The following SAMD5 variants were observed in gnomAD, a reference collection of about 807,000 sequenced individuals.
The protein encoded by SAMD5 is sterile alpha motif domain-containing protein 5.
Under a neutral mutation model 11.3 loss-of-function variants are expected in SAMD5, and 13 were observed. That is an observed-to-expected ratio of 1.15 (90% CI 0.75 to 1.83). SAMD5 has a LOEUF of 1.83. Among genes scored for constraint, SAMD5 ranks in the 40% most tolerant of loss-of-function variants. SAMD5 has a pLI of 0.00. For missense variants in SAMD5, 255 were observed against 239.1 expected, an observed-to-expected ratio of 1.07 and a Z score of -0.44; for synonymous variants, 129 against 111.3, an observed-to-expected ratio of 1.16 and a Z score of -1.00.
chr6:147,779,039 G>T, the SAMD5 span, among the ~76,000 whole-genome samples: 3 of 149,106 alleles, frequency 2.0e-5, no homozygotes, highest in Non-Finnish European at 4.4e-5. Context: ...ACCAAAACAT[G>T]TCTATTTGAG....
the SAMD5 span, among the ~76,000 whole-genome samples, chr6:147,867,312 G>A: frequency 8.1e-6 from 1 of 123,472 alleles, no homozygotes; most frequent in Non-Finnish European, 1.6e-5. Flanking sequence ...ACTTAACACT[G>A]ATAATGTTTT....
chr6:147,615,730 C>T (rs889912545), intron 1 of SAMD5, among the ~76,000 whole-genome samples: 5 of 152,032 alleles, frequency 3.3e-5, no homozygotes, highest in South Asian at 2.1e-4. Context: ...AAATGTGGGT[C>T]GGTATAAACA....
chr6:147,553,627 A>G (rs1788807653), intron 1 of SAMD5, among the ~76,000 whole-genome samples: 1 of 152,192 alleles, frequency 6.6e-6, no homozygotes, highest in African/African-American at 2.4e-5. Context: ...GTCACTGCAT[A>G]ACACCCAGCA....
the SAMD5 span, among the ~76,000 whole-genome samples, chr6:147,749,009 A>C: frequency 6.6e-6 from 1 of 152,092 alleles, no homozygotes; most frequent in East Asian, 1.9e-4. Context: ...CCTTCTCTCT[A>C]AGTTGCATTT....
At chr6:147,770,262 T>TAAA in the SAMD5 span, among the ~76,000 whole-genome samples, 28 of 150,970 alleles carry the variant, frequency 1.9e-4, no homozygotes, top group Admixed American at 4.6e-4. Flanking sequence ...TAATTTTTTT[T>TAAA]AAAAAAAATC....
At chr6:147,874,950 C>T in the SAMD5 span, among the ~76,000 whole-genome samples, 1 of 152,052 alleles carries the variant, frequency 6.6e-6, no homozygotes, top group African/African-American at 2.4e-5. Context: ...TGACTTCACT[C>T]AGAGAAAATG....
intron 1 of SAMD5, among the ~76,000 whole-genome samples, chr6:147,668,673 G>A (rs1032831725): frequency 2.0e-5 from 3 of 151,784 alleles, no homozygotes; most frequent in Non-Finnish European, 4.4e-5. Flanking sequence ...GCAAAACCCC[G>A]TCTCTACTAA....
In SAMD5 at chr6:147,567,323, T is replaced by C. The variant is rs1227269207; in HGVS notation, c.*2867T>C. ...CAATTTCTCAGTTCAGAGATATTTATAGCATCTTGGTGTTATGCAATAAAC... is the reference window on the plus strand; with the variant it reads ...CAATTTCTCAGTTCAGAGATATTTACAGCATCTTGGTGTTATGCAATAAAC... On this transcript the variant is annotated 3_prime_UTR_variant, in exon 2 of 2. Transcript: ENST00000367474. 1.0e-6 allele frequency: 1 copy of C among 985,284 alleles called. No homozygotes were observed. The highest frequency in any genetic ancestry group is 1.2e-6 in the Non-Finnish European group (1 of 829,884). 61.0% of individuals were successfully genotyped at this position (985,284 alleles called of 1,614,324 possible). A position where few individuals can be genotyped will look rare whatever the true frequency, so the allele number is the denominator to read the frequency against.
chr6:147,940,071 T>C, the SAMD5 span, among the ~76,000 whole-genome samples: 2 of 152,078 alleles, frequency 1.3e-5, no homozygotes, highest in African/African-American at 2.4e-5. Context: ...AGAGGTTAGA[T>C]AGTATGACCC....
At chr6:147,934,028 C>T in the SAMD5 span, among the ~76,000 whole-genome samples, 1 of 152,130 alleles carries the variant, frequency 6.6e-6, no homozygotes, top group Non-Finnish European at 1.5e-5. Flanking sequence ...ATTTACTTTC[C>T]CCCCATAAAA....
chr6:147,643,112 C>A (rs1431978759), intron 1 of SAMD5, among the ~76,000 whole-genome samples: 1 of 152,124 alleles, frequency 6.6e-6, no homozygotes, highest in Non-Finnish European at 1.5e-5. Flanking sequence ...CACTTTGACC[C>A]CTCTCTTTGA....
chr6:147,753,378 T>C, the SAMD5 span, among the ~76,000 whole-genome samples: 2 of 152,304 alleles, frequency 1.3e-5, no homozygotes, highest in East Asian at 3.8e-4. Context: ...TAGTACAATA[T>C]TTTCATTTTA....
chr6:147,613,347 C>A (rs1279020948), intron 1 of SAMD5, among the ~76,000 whole-genome samples: 1 of 151,792 alleles, frequency 6.6e-6, no homozygotes, highest in Non-Finnish European at 1.5e-5. Flanking sequence ...TAAATGACTT[C>A]TGAGAGCCCC....
the SAMD5 span, among the ~76,000 whole-genome samples, chr6:147,877,446 A>G: frequency 6.6e-6 from 1 of 152,156 alleles, no homozygotes; most frequent in Non-Finnish European, 1.5e-5. Flanking sequence ...GGAGGTACAA[A>G]TGGTTATGCA....
chr6:147,659,969 C>T (rs897631378), intron 1 of SAMD5, among the ~76,000 whole-genome samples: 1 of 152,156 alleles, frequency 6.6e-6, no homozygotes, highest in Non-Finnish European at 1.5e-5. Context: ...TCTGTCTTCT[C>T]TCCATGATTG....
At chr6:147,590,822 A>G (rs1789441713) in intron 1 of SAMD5, among the ~76,000 whole-genome samples, 1 of 152,198 alleles carries the variant, frequency 6.6e-6, no homozygotes. Flanking sequence ...ACCTAGAAAA[A>G]TCTAATGGTT....
chr6:147,622,681 C>T (rs567170558), intron 1 of SAMD5, among the ~76,000 whole-genome samples: 34 of 152,264 alleles, frequency 2.2e-4, no homozygotes, highest in African/African-American at 6.3e-4. Flanking sequence ...CAGGAAGATG[C>T]CTGGCCAGCT....
the SAMD5 span, chr6:147,953,987 T>C: frequency 6.6e-6 from 1 of 152,216 alleles, no homozygotes; most frequent in Non-Finnish European, 1.5e-5. Context: ...TTTTTATAGA[T>C]GAGCCACTTT....
the SAMD5 span, among the ~76,000 whole-genome samples, chr6:147,770,741 A>G: frequency 6.6e-6 from 1 of 152,216 alleles, no homozygotes; most frequent in East Asian, 1.9e-4. Context: ...AGGCATTTGA[A>G]TATTTTGCAA....
Sources: allele counts gnomAD v4.1 joint callset (sites outside exome capture counted in the v4.1 genomes callset), GRCh38; gene constraint gnomAD v4.1.1; transcripts MANE v1.5; gene names NCBI Gene and HGNC (gene_info 2026-07-23, HGNC 2026-07-21).